DOK6: variants seen among roughly 807,000 people sequenced by gnomAD.
DOK6 encodes docking protein 6.
DOK6 carries 22 observed loss-of-function variants against 44.0 expected under a neutral mutation model. That is an observed-to-expected ratio of 0.50 (90% CI 0.36 to 0.71). The LOEUF (loss-of-function observed/expected upper bound fraction) is 0.71, where lower values mean the gene tolerates loss of function less well. DOK6 is among the 30% of genes least tolerant of loss of function. DOK6 has a pLI of 0.00. For synonymous variants in DOK6, 166 were observed against 145.5 expected (o/e 1.14, Z -1.01); for missense variants, 340 against 416.4 (o/e 0.82, Z 1.60).
intron 1 of DOK6, among the ~76,000 whole-genome samples, chr18:69,418,714 C>T (rs866707080): frequency 1.3e-5 from 2 of 151,950 alleles, no homozygotes; most frequent in Non-Finnish European, 2.9e-5. Flanking sequence ...TTAAGCAATC[C>T]TCCTGCCTCA....
intron 5 of DOK6, among the ~76,000 whole-genome samples, chr18:69,704,251 G>A (rs780419918): frequency 9.1e-4 from 139 of 152,084 alleles, no homozygotes; most frequent in Admixed American, 2.0e-3. Flanking sequence ...CCACATCTGC[G>A]AGGGGACAAG....
chr18:69,666,077 G>A (rs1195415288), intron 3 of DOK6, among the ~76,000 whole-genome samples: 3 of 152,094 alleles, frequency 2.0e-5, no homozygotes, highest in Non-Finnish European at 2.9e-5. Flanking sequence ...CGAAGCAGTT[G>A]CCTTTTTCAA....
intron 7 of DOK6, among the ~76,000 whole-genome samples, chr18:69,800,144 T>C (rs1292382143): frequency 6.6e-6 from 1 of 152,046 alleles, no homozygotes. Context: ...TTTTTTCTAT[T>C]GCATTGAAAC....
At position 69,778,325 on chromosome 18, in the gene DOK6, A is replaced by T. The variant is rs73970264; in HGVS notation, c.856+20452A>T. ...GCCGAGATGGGTTGAGATGCACGAG[A>T]GTTAGCCAGTTAGGGGTCACCAGAT... On this transcript the variant is annotated intron_variant, in intron 7 of 7. Transcript: ENST00000382713. 6.5e-4 allele frequency among the ~76,000 whole-genome samples: 99 copies of T among 152,258 alleles called. 1 individual carries two copies. Among genetic ancestry groups the T allele is most frequent in the African/African-American group, 2.2e-3 (90 of 41,572 alleles).
At chr18:69,677,370 GTA>G (rs10659444) in intron 3 of DOK6, among the ~76,000 whole-genome samples, 65,668 of 149,144 alleles carry the variant, frequency 0.44, 14,899 homozygotes, top group East Asian at 0.73. Flanking sequence ...ATATGTGTGT[GTA>G]TATATATATA....
Position 69,512,749 on chromosome 18 carries a change from A to C in DOK6, c.67-51738A>C, listed in dbSNP as rs1981408836. Among the ~76,000 whole-genome samples the C allele has an allele frequency of 2.0e-5, 3 of 152,164 alleles. No individual in the cohort carries two copies. In the South Asian group the frequency reaches 6.2e-4, roughly 32 times the overall value. ...TCCTACAGTATTAAGCATGGATATC[A>C]TTGTTGATAAATCAATCAATATCTC... On this transcript the variant is annotated intron_variant, in intron 1 of 7. Coordinates refer to ENST00000382713, the MANE Select transcript of DOK6 (RefSeq NM_152721.6).
chr18:69,672,729 G>A (rs1307401617), intron 3 of DOK6, among the ~76,000 whole-genome samples: 2 of 151,276 alleles, frequency 1.3e-5, no homozygotes, highest in Non-Finnish European at 2.9e-5. Context: ...GGGCGGTGGG[G>A]AAACAAAAGT....
At chr18:69,625,681 C>T (rs1294475037) in intron 3 of DOK6, among the ~76,000 whole-genome samples, 1 of 151,688 alleles carries the variant, frequency 6.6e-6, no homozygotes, top group Non-Finnish European at 1.5e-5. Context: ...AAGTATTTCC[C>T]ATGTCAGCAG....
chr18:69,790,952 A>C (rs1390879149), intron 7 of DOK6, among the ~76,000 whole-genome samples: 1 of 146,976 alleles, frequency 6.8e-6, no homozygotes. Context: ...TCCTCTAGTA[A>C]CCACCATTCT....
At chr18:69,507,188 T>C (rs1335442781) in intron 1 of DOK6, among the ~76,000 whole-genome samples, 2 of 151,900 alleles carry the variant, frequency 1.3e-5, no homozygotes, top group East Asian at 1.9e-4. Flanking sequence ...CCACCGTGGC[T>C]TGCTAATTTT....
rs571913190 is a variant in DOK6 at position 69,495,728 on chromosome 18, A to G, written c.67-68759A>G. Reference sequence around the variant, plus strand: ...CAGGTACCTGTCTGCCTCTGCTGCCATTCATGGCATCCAGGCTGTTCACGC... The same window carrying G: ...CAGGTACCTGTCTGCCTCTGCTGCCGTTCATGGCATCCAGGCTGTTCACGC... On this transcript the variant is annotated intron_variant, in intron 1 of 7. Coordinates refer to ENST00000382713, the MANE Select transcript of DOK6 (RefSeq NM_152721.6). 4.7e-4 allele frequency among the ~76,000 whole-genome samples: 72 copies of G among 152,300 alleles called. 1 individual carries two copies. Among genetic ancestry groups the G allele is most frequent in the Middle Eastern group, 3.4e-3 (1 of 294 alleles).
chr18:69,739,221 T>C (rs562369521), intron 6 of DOK6, 118 bp downstream of exon 6: 1 of 1,365,978 alleles, frequency 7.3e-7, no homozygotes, highest in Admixed American at 2.2e-5. Context: ...CCTGCCCTGA[T>C]CCTGAGGGCT....
At chr18:69,469,374 T>G (rs1980021048) in intron 1 of DOK6, 2 of 152,120 alleles carry the variant, frequency 1.3e-5, no homozygotes, top group Admixed American at 1.3e-4. Context: ...CAAGACATTT[T>G]AACTTTGTGT....
chr18:69,448,613 A>G (rs1185090847), intron 1 of DOK6, among the ~76,000 whole-genome samples: 1 of 152,116 alleles, frequency 6.6e-6, no homozygotes, highest in African/African-American at 2.4e-5. Flanking sequence ...GCCTCAGGTG[A>G]TCCACCCACC....
intron 7 of DOK6, among the ~76,000 whole-genome samples, chr18:69,836,456 A>G (rs1249351082): frequency 6.6e-6 from 1 of 152,144 alleles, no homozygotes. Flanking sequence ...GTCATTTCAG[A>G]GTATACTTGA....
At chr18:69,736,132 C>A (rs1175979611) in intron 5 of DOK6, among the ~76,000 whole-genome samples, 2 of 152,194 alleles carry the variant, frequency 1.3e-5, no homozygotes, top group African/African-American at 2.4e-5. Context: ...GCCTCAGAAG[C>A]AATAGGCCAT....
At chr18:69,433,839 G>A (rs1568255970) in intron 1 of DOK6, among the ~76,000 whole-genome samples, 1 of 152,110 alleles carries the variant, frequency 6.6e-6, no homozygotes, top group Non-Finnish European at 1.5e-5. Flanking sequence ...AGAACAATGT[G>A]CATTTCAGAT....
intron 4 of DOK6, among the ~76,000 whole-genome samples, chr18:69,681,112 C>T (rs1986034016): frequency 6.6e-6 from 1 of 152,290 alleles, no homozygotes; most frequent in East Asian, 1.9e-4. Flanking sequence ...GAATCTTCAT[C>T]AGGAACATGA....
intron 5 of DOK6, among the ~76,000 whole-genome samples, chr18:69,720,879 A>G (rs757291072): frequency 3.9e-5 from 6 of 152,162 alleles, no homozygotes; most frequent in African/African-American, 1.2e-4. Context: ...GAGATGAAAT[A>G]TATGGATTCC....
Sources: allele counts gnomAD v4.1 joint callset (sites outside exome capture counted in the v4.1 genomes callset), GRCh38; gene constraint gnomAD v4.1.1; transcripts MANE v1.5; gene names NCBI Gene and HGNC (gene_info 2026-07-23, HGNC 2026-07-21).